Variants in PPARGC1B observed in about 807,000 individuals in gnomAD.
PPARGC1B encodes PPARG coactivator 1 beta, also known as peroxisome proliferator-activated receptor gamma coactivator 1-beta.
In PPARGC1B, 34 loss-of-function variants were observed where a neutral mutation model predicts 101.6. That is an observed-to-expected ratio of 0.33 (90% CI 0.25 to 0.45). The LOEUF (loss-of-function observed/expected upper bound fraction) is 0.45, where lower values mean the gene tolerates loss of function less well. Ranked by LOEUF, PPARGC1B falls within the 20% of genes least tolerant of loss-of-function variation. The probability of loss-of-function intolerance (pLI) is 1.00; values close to 1 mark genes in which losing one functional copy is unlikely to be tolerated. For missense variants in PPARGC1B, 1,234 were observed against 1,317.6 expected (o/e 0.94, Z 0.98); for synonymous variants, 548 against 539.3 (o/e 1.02, Z -0.22).
chr5:149,826,585 C>CTGG (rs941308852), intron 2 of PPARGC1B, 88 bp from the exon 3 acceptor site: 33 of 1,039,950 alleles, frequency 3.2e-5, no homozygotes, highest in Non-Finnish European at 4.6e-5. Context: ...CTGGGCAGAG[C>CTGG]TGGTGTCCAC....
At chr5:149,778,663 G>A (rs1756484065) in intron 1 of PPARGC1B, among the ~76,000 whole-genome samples, 1 of 152,142 alleles carries the variant, frequency 6.6e-6, no homozygotes, top group South Asian at 2.1e-4. Flanking sequence ...CCCTCATAGA[G>A]CAAGGCTCAC....
At position 149,753,276 on chromosome 5, in the gene PPARGC1B, G is replaced by A. The variant is rs551370028; in HGVS notation, c.78+22856G>A. 2.3e-3 allele frequency among the ~76,000 whole-genome samples: 356 copies of A among 152,108 alleles called. 1 individual carries two copies. Among genetic ancestry groups the A allele is most frequent in the Non-Finnish European group, 4.6e-3 (314 of 67,984 alleles). ...GGCTGGAGTGCAGTGGCGTGATCTC[G>A]GCTCACAGCAACCTCTGCCTCCCGG... is the stretch of plus-strand genomic sequence containing the variant. On this transcript the variant is annotated intron_variant, in intron 1 of 11. Coordinates refer to ENST00000309241, the MANE Select transcript of PPARGC1B (RefSeq NM_133263.4).
chr5:149,732,471 C>A (rs1273784761), intron 1 of PPARGC1B, among the ~76,000 whole-genome samples: 1 of 152,226 alleles, frequency 6.6e-6, no homozygotes, highest in Non-Finnish European at 1.5e-5. Flanking sequence ...TTATTTTGCC[C>A]TTTAGCCGCC....
At chr5:149,819,849 T>G (rs1049992238) in intron 1 of PPARGC1B, among the ~76,000 whole-genome samples, 1 of 152,244 alleles carries the variant, frequency 6.6e-6, no homozygotes, top group Non-Finnish European at 1.5e-5. Flanking sequence ...GTCTATTGAT[T>G]GGTGTTCCAT....
At chr5:149,747,666 G>A (rs993055813) in intron 1 of PPARGC1B, among the ~76,000 whole-genome samples, 1 of 152,212 alleles carries the variant, frequency 6.6e-6, no homozygotes, top group South Asian at 2.1e-4. Context: ...AGCGCCTGGG[G>A]CCTCCAGCCT....
At chr5:149,787,267 G>A (rs1756845441) in intron 1 of PPARGC1B, among the ~76,000 whole-genome samples, 1 of 152,206 alleles carries the variant, frequency 6.6e-6, no homozygotes, top group Non-Finnish European at 1.5e-5. Context: ...TGGAAAAGAT[G>A]GCCCTCTGGT....
At chr5:149,788,172 C>G (rs1426176154) in intron 1 of PPARGC1B, among the ~76,000 whole-genome samples, 1 of 152,154 alleles carries the variant, frequency 6.6e-6, no homozygotes, top group Non-Finnish European at 1.5e-5. Context: ...TTACAATCTA[C>G]CCATCTGACA....
At chr5:149,767,455 G>C (rs1233374053) in intron 1 of PPARGC1B, among the ~76,000 whole-genome samples, 2 of 152,150 alleles carry the variant, frequency 1.3e-5, no homozygotes, top group Non-Finnish European at 2.9e-5. Flanking sequence ...GCTTTGAAAG[G>C]CTGTGTGGAG....
rs376095624 is a variant in PPARGC1B, at chr5:149,800,520, G to A, written c.79-19913G>A. ...CAGTTTCAGCACTCTCTAGCTGTGT[G>A]ACCCTGGGCAAATTTCTTCACTTCA... On this transcript the variant is annotated intron_variant, in intron 1 of 11. Transcript: ENST00000309241. 1.5e-3 allele frequency among the ~76,000 whole-genome samples: 232 copies of A among 152,354 alleles called. 2 individuals carry two copies. In the South Asian group the frequency reaches 0.015, roughly 10 times the overall value.
intron 1 of PPARGC1B, among the ~76,000 whole-genome samples, chr5:149,800,885 T>C (rs925946647): frequency 6.6e-6 from 1 of 152,250 alleles, no homozygotes; most frequent in Non-Finnish European, 1.5e-5. Context: ...CCAGACAGCT[T>C]CATCAGCATT....
At chr5:149,791,717 C>A (rs1757028888) in intron 1 of PPARGC1B, among the ~76,000 whole-genome samples, 1 of 152,170 alleles carries the variant, frequency 6.6e-6, no homozygotes, top group Admixed American at 6.5e-5. Flanking sequence ...TAGTCTTGCA[C>A]AAAAGCTCCT....
rs1759080589 is a variant in PPARGC1B at position 149,836,435 on chromosome 5, G to A, written c.1980G>A (p.Glu660=). 4 of 1,614,014 alleles carry A rather than the reference G, an allele frequency of 2.5e-6. No homozygotes were observed. The highest frequency in any genetic ancestry group is 3.3e-5 in the Admixed American group (2 of 60,006). ...AAHKLPKKHP[E]RSELLSHLRH... ...ACAAGCTGCCAAAGAAGCACCCAGA[G>A]CGAAGTGAGCTCCTGTCCCACCTGC... Residue 660 remains glutamate (E), a synonymous_variant, in exon 8 of 12, where the codon GAG becomes GAA. Coordinates refer to ENST00000309241, the MANE Select transcript of PPARGC1B (RefSeq NM_133263.4).
At chr5:149,841,687 T>A (rs550577009) in intron 9 of PPARGC1B, among the ~76,000 whole-genome samples, 1 of 152,328 alleles carries the variant, frequency 6.6e-6, no homozygotes, top group South Asian at 2.1e-4. Context: ...AGTTCCAGTC[T>A]GGACTTTCTC....
At chr5:149,743,484 T>TACCCAGTTGGG (rs1754982754) in intron 1 of PPARGC1B, among the ~76,000 whole-genome samples, 1 of 152,178 alleles carries the variant, frequency 6.6e-6, no homozygotes, top group East Asian at 1.9e-4. Flanking sequence ...CCCTCTTCTC[T>TACCCAGTTGGG]ACCCAGTTGG....
chr5:149,836,809 G>C lies in PPARGC1B; in HGVS notation c.2354G>C (p.Ser785Thr). ...LEEEDLASCK[S>T]PEYDTVFEDS... is the part of the protein sequence containing the mutation. ...GAGGAAGACCTGGCCTCCTGCAAGAGCCCTGAGTATGACACTGTCTTTGAA... is the reference window on the plus strand; with the variant it reads ...GAGGAAGACCTGGCCTCCTGCAAGACCCCTGAGTATGACACTGTCTTTGAA... Residue 785 changes from serine (S) to threonine (T), a missense_variant, in exon 8 of 12, where the codon AGC becomes ACC. Ser to Thr is a moderately conservative substitution (Grantham distance 58, BLOSUM62 1). Coordinates refer to ENST00000309241, the MANE Select transcript of PPARGC1B (RefSeq NM_133263.4). The C allele has an allele frequency of 1.2e-6, 2 of 1,613,554 alleles. No individual in the cohort carries two copies. The highest frequency in any genetic ancestry group is 2.2e-5 in the South Asian group (2 of 91,088).
rs749366221 is a variant in PPARGC1B at position 149,832,763 on chromosome 5, G to T, written c.690G>T (p.Arg230=). The part of the protein sequence containing the change: ...LTSAQCCLQD[R]GLQPPCLQSP... ...CGGCACAGTGCTGCCTGCAGGATCG[G>T]GGTCTGCAGCCACCATGCCTCCAGA... Residue 230 remains arginine, a synonymous_variant, in exon 5 of 12, where the codon CGG becomes CGT. Transcript: ENST00000309241. This position sits in a 1 kb window ranked among gnomAD's most constrained non-coding sequence, Gnocchi z 4.9. The T allele has an allele frequency of 4.3e-6, 7 of 1,612,894 alleles. No homozygotes were observed. In the Admixed American group the frequency reaches 1.2e-4, roughly 27 times the overall value.
At chr5:149,818,271 A>T (rs1758135623) in intron 1 of PPARGC1B, among the ~76,000 whole-genome samples, 2 of 152,100 alleles carry the variant, frequency 1.3e-5, no homozygotes, top group South Asian at 4.1e-4. Context: ...TGTTTGTGTG[A>T]TTATTTGTTT....
chr5:149,797,041 G>GGGCC (rs1246405050), intron 1 of PPARGC1B, among the ~76,000 whole-genome samples: 1 of 152,142 alleles, frequency 6.6e-6, no homozygotes, highest in Non-Finnish European at 1.5e-5. Flanking sequence ...TTAGCTTGAA[G>GGGCC]GGCCTCCCTC....
chr5:149,829,536 A>C (rs1758659041), intron 3 of PPARGC1B, among the ~76,000 whole-genome samples: 1 of 151,986 alleles, frequency 6.6e-6, no homozygotes, highest in East Asian at 1.9e-4. Flanking sequence ...TGCTGTACTA[A>C]AATCTCATGA....
Sources: allele counts gnomAD v4.1 joint callset (sites outside exome capture counted in the v4.1 genomes callset), GRCh38; gene constraint gnomAD v4.1.1; non-coding constraint Gnocchi (gnomAD v3.1); transcripts MANE v1.5; gene names NCBI Gene and HGNC (gene_info 2026-07-23, HGNC 2026-07-21).